The following SLC9A9 variants were observed in gnomAD, a reference collection of about 807,000 sequenced individuals.
The protein encoded by SLC9A9 is solute carrier family 9 member A9.
In SLC9A9, 62 loss-of-function variants were observed where a neutral mutation model predicts 77.8. The observed-to-expected ratio is 0.80, with a 90% CI of 0.65 to 0.98. SLC9A9 has a LOEUF of 0.98. SLC9A9 is among the 50% of genes least tolerant of loss of function. The pLI is 0.00. For missense variants in SLC9A9, 775 were observed against 774.9 expected (o/e 1.00, Z 0.00); for synonymous variants, 320 against 283.5 (o/e 1.13, Z -1.29).
intron 2 of SLC9A9, among the ~76,000 whole-genome samples, chr3:143,810,637 AC>A (rs2008840895): frequency 1.3e-5 from 2 of 152,264 alleles, no homozygotes; most frequent in Admixed American, 1.3e-4. Context: ...CATGAGGCTA[AC>A]ATAACCATTT....
intron 14 of SLC9A9, among the ~76,000 whole-genome samples, chr3:143,308,232 A>G (rs1273626808): frequency 6.6e-6 from 1 of 152,210 alleles, no homozygotes; most frequent in Non-Finnish European, 1.5e-5. Context: ...AATCAGCTAC[A>G]TAATTTATAG....
intron 4 of SLC9A9, among the ~76,000 whole-genome samples, chr3:143,729,110 C>A (rs1934738580): frequency 6.6e-6 from 1 of 152,154 alleles, no homozygotes; most frequent in Non-Finnish European, 1.5e-5. Flanking sequence ...GCTTAGAACA[C>A]CCATTCTTCA....
intron 14 of SLC9A9, among the ~76,000 whole-genome samples, chr3:143,307,428 G>C (rs1045462501): frequency 5.9e-5 from 9 of 152,180 alleles, no homozygotes; most frequent in African/African-American, 2.2e-4. Flanking sequence ...CTGCACATAT[G>C]ATCTCTTGAC....
chr3:143,479,357 C>T (rs548747769), intron 11 of SLC9A9, among the ~76,000 whole-genome samples: 1 of 152,112 alleles, frequency 6.6e-6, no homozygotes, highest in South Asian at 2.1e-4. Context: ...AGTGGTCTTC[C>T]CAACCTCAGC....
At chr3:143,769,472 G>A (rs1165492094) in intron 4 of SLC9A9, among the ~76,000 whole-genome samples, 4 of 152,118 alleles carry the variant, frequency 2.6e-5, no homozygotes, top group Non-Finnish European at 4.4e-5. Flanking sequence ...TGTCCCTAAA[G>A]TATTCCTCTG....
In SLC9A9 at chr3:143,266,117, A is replaced by T. The variant is rs1456463719; in HGVS notation, c.*585T>A. On this transcript the variant is annotated 3_prime_UTR_variant, in exon 16 of 16. Coordinates refer to ENST00000316549, the MANE Select transcript of SLC9A9 (RefSeq NM_173653.4). ...TAAGAAGGATGCCAAGAAGAACAAT[A>T]GGTTCTTCAACTCAGTGTGGGCTCT... is the stretch of plus-strand genomic sequence containing the variant. 7.1e-6 allele frequency: 5 copies of T among 702,262 alleles called. No individual in the cohort carries two copies. The highest frequency in any genetic ancestry group is 6.0e-5 in the Admixed American group (3 of 50,014). The allele number at this position is 702,262 out of a possible 1,614,324, so 43.5% of individuals were successfully genotyped here. A position where few individuals can be genotyped will look rare whatever the true frequency, so the allele number is the denominator to read the frequency against.
At chr3:143,458,438 T>C (rs756283698) in intron 12 of SLC9A9, among the ~76,000 whole-genome samples, 2 of 152,152 alleles carry the variant, frequency 1.3e-5, no homozygotes, top group Non-Finnish European at 1.5e-5. Context: ...ATTATTGTTA[T>C]ATTTGTATTT....
intron 10 of SLC9A9, 43 bp downstream of exon 10, chr3:143,495,292 T>C: frequency 6.7e-7 from 1 of 1,484,954 alleles, no homozygotes; most frequent in Non-Finnish European, 9.4e-7. Flanking sequence ...AAGTCATTCG[T>C]TATCTTCTCT....
chr3:143,790,532 A>C (rs1338936094), intron 4 of SLC9A9, among the ~76,000 whole-genome samples: 1 of 152,194 alleles, frequency 6.6e-6, no homozygotes, highest in African/African-American at 2.4e-5. Flanking sequence ...TTCATGCAAT[A>C]CTGCAGGACA....
intron 14 of SLC9A9, among the ~76,000 whole-genome samples, chr3:143,340,472 A>T (rs1412203660): frequency 1.3e-5 from 2 of 152,206 alleles, no homozygotes; most frequent in East Asian, 3.8e-4. Flanking sequence ...AGTGGGAAAA[A>T]TAAAACAGGT....
intron 11 of SLC9A9, among the ~76,000 whole-genome samples, chr3:143,472,773 C>T (rs1021054568): frequency 3.4e-4 from 51 of 152,190 alleles, no homozygotes; most frequent in African/African-American, 1.1e-3. Flanking sequence ...TGGTTACATA[C>T]GGAAAAGTGA....
intron 4 of SLC9A9, among the ~76,000 whole-genome samples, chr3:143,791,029 T>C (rs1560080802): frequency 6.6e-6 from 1 of 152,158 alleles, no homozygotes. Context: ...GCATGGTGTA[T>C]AGGGTGGAGA....
intron 4 of SLC9A9, among the ~76,000 whole-genome samples, chr3:143,738,056 A>G (rs1934988046): frequency 6.6e-6 from 1 of 152,176 alleles, no homozygotes; most frequent in African/African-American, 2.4e-5. Context: ...AGGGGTTGGA[A>G]GACCAAAAAC....
At chr3:143,627,643 T>C (rs1369003507) in intron 6 of SLC9A9, 4 of 234,476 alleles carry the variant, frequency 1.7e-5, no homozygotes, top group South Asian at 6.7e-5. Context: ...GACTGTGCTG[T>C]ACAGGTTAGA....
At chr3:143,720,996 C>A (rs1306340690) in intron 4 of SLC9A9, among the ~76,000 whole-genome samples, 1 of 152,152 alleles carries the variant, frequency 6.6e-6, no homozygotes, top group East Asian at 1.9e-4. Flanking sequence ...ACCACTTGAG[C>A]CCTAGAGTTC....
At chr3:143,666,997 G>A (rs1341811066) in intron 5 of SLC9A9, among the ~76,000 whole-genome samples, 1 of 152,028 alleles carries the variant, frequency 6.6e-6, no homozygotes, top group Non-Finnish European at 1.5e-5. Context: ...AGTTCATATG[G>A]AACCAAAAAA....
At chr3:143,345,285 C>T (rs776889086) in intron 14 of SLC9A9, among the ~76,000 whole-genome samples, 11 of 152,064 alleles carry the variant, frequency 7.2e-5, no homozygotes, top group Non-Finnish European at 1.2e-4. Context: ...TTGGATAGAA[C>T]CTTTATTAAT....
intron 8 of SLC9A9, among the ~76,000 whole-genome samples, chr3:143,565,617 T>A (rs1411365951): frequency 2.0e-5 from 3 of 152,138 alleles, no homozygotes; most frequent in Non-Finnish European, 4.4e-5. Context: ...ATTGCATGTT[T>A]GTCTTTGGTT....
rs998224844 is a variant in SLC9A9, at chr3:143,676,013, G to T, written c.649+17179C>A. On this transcript the variant is annotated intron_variant, in intron 5 of 15. Transcript: ENST00000316549. ...CGTGGGGGATGGGGAGGAGGGCGAGGTGGGGATGGTTTCGGAATGAAACTT... is the reference window on the plus strand; with the variant it reads ...CGTGGGGGATGGGGAGGAGGGCGAGTTGGGGATGGTTTCGGAATGAAACTT... 2.6e-5 allele frequency among the ~76,000 whole-genome samples: 4 copies of T among 152,098 alleles called. No homozygotes were observed. In the East Asian group the frequency reaches 7.7e-4, roughly 29 times the overall value.
Sources: gnomAD v4.1 joint callset for allele counts (sites outside exome capture counted in the v4.1 genomes callset) on GRCh38, gnomAD v4.1.1 for gene constraint, MANE v1.5 for transcripts, NCBI Gene and HGNC (gene_info 2026-07-23, HGNC 2026-07-21) for gene names.